The following SLCO1B1 variants were observed in gnomAD, a reference collection of about 807,000 sequenced individuals.
The protein encoded by SLCO1B1 is solute carrier organic anion transporter family member 1B1, also known as OATP-2.
In SLCO1B1, 81 loss-of-function variants were observed where a neutral mutation model predicts 70.1. The observed-to-expected ratio is 1.16, with a 90% confidence interval of 0.97 to 1.39. SLCO1B1 has a LOEUF of 1.39. SLCO1B1 is among the 40% of genes most tolerant of loss of function. The pLI, the probability that SLCO1B1 is intolerant of heterozygous loss-of-function variation, is 0.00. For synonymous variants in SLCO1B1, 283 were observed against 271.5 expected (o/e 1.04, Z -0.42); for missense variants, 895 against 799.6 (o/e 1.12, Z -1.44).
chr12:21,189,718 G>A (rs1245483917), intron 7 of SLCO1B1, among the ~76,000 whole-genome samples: 3 of 152,086 alleles, frequency 2.0e-5, no homozygotes, highest in Non-Finnish European at 4.4e-5. Context: ...AAAGTGCTGG[G>A]ATTACAGGTT....
rs375465421 is a variant in SLCO1B1 at position 21,217,272 on chromosome 12, G to A, written c.1651G>A (p.Gly551Arg). The change falls in exon 12 of 15, where the codon GGA (glycine) becomes AGA (arginine). Residue 551 changes from glycine (G) to arginine (R), a missense_variant. By Grantham distance (125) the Gly-to-Arg change is moderately radical (BLOSUM62 -2). Coordinates refer to ENST00000256958, the MANE Select transcript of SLCO1B1 (RefSeq NM_006446.5). ...CTTGAATTTATTTTTCTCTGCACTT[G>A]GAGGCACCTCACATGTCATGCTGAT... Reference protein sequence around the residue: ...QVLNLFFSALGGTSHVMLIVK... With the variant: ...QVLNLFFSALRGTSHVMLIVK... 6.2e-7 allele frequency: 1 copy of A among 1,613,520 alleles called. No individual in the cohort carries two copies. The highest frequency in any genetic ancestry group is 8.5e-7 in the Non-Finnish European group (1 of 1,179,720).
At chr12:21,214,607 GC>G (rs1291026385) in intron 11 of SLCO1B1, among the ~76,000 whole-genome samples, 63 of 133,346 alleles carry the variant, frequency 4.7e-4, no homozygotes, top group Middle Eastern at 4.0e-3. Flanking sequence ...GAGCTTCCAG[GC>G]CGCTTTGTTT....
At chr12:21,200,960 T>C (rs1302306349) in intron 9 of SLCO1B1, among the ~76,000 whole-genome samples, 1 of 152,134 alleles carries the variant, frequency 6.6e-6, no homozygotes, top group African/African-American at 2.4e-5. Flanking sequence ...AATTTAGTGC[T>C]AAGATCTGAG....
chr12:21,150,977 AG>A (rs1940463455), intron 2 of SLCO1B1, among the ~76,000 whole-genome samples: 1 of 152,234 alleles, frequency 6.6e-6, no homozygotes, highest in Admixed American at 6.5e-5. Context: ...ATTTAACAAC[AG>A]GAATGCATTA....
intron 2 of SLCO1B1, among the ~76,000 whole-genome samples, chr12:21,149,029 A>T (rs957755156): frequency 6.6e-6 from 1 of 151,904 alleles, no homozygotes; most frequent in Non-Finnish European, 1.5e-5. Flanking sequence ...CTGTTTGTCT[A>T]TTATTGGTGT....
At chr12:21,206,652 A>C (rs993829140) in intron 11 of SLCO1B1, among the ~76,000 whole-genome samples, 1 of 151,904 alleles carries the variant, frequency 6.6e-6, no homozygotes, top group African/African-American at 2.4e-5. Context: ...TCCCATAGAA[A>C]TGTCATTTAT....
chr12:21,144,096 T>C (rs1940350168), intron 2 of SLCO1B1, among the ~76,000 whole-genome samples: 1 of 152,162 alleles, frequency 6.6e-6, no homozygotes, highest in South Asian at 2.1e-4. Context: ...TGTTTCATCA[T>C]TACACTTGTC....
chr12:21,180,942 T>A (rs1042361668), intron 7 of SLCO1B1, among the ~76,000 whole-genome samples: 2 of 152,212 alleles, frequency 1.3e-5, no homozygotes, highest in African/African-American at 2.4e-5. Flanking sequence ...TCTTATTCAG[T>A]GATGAGTATG....
intron 12 of SLCO1B1, among the ~76,000 whole-genome samples, chr12:21,221,015 A>G (rs1414534617): frequency 6.6e-6 from 1 of 152,146 alleles, no homozygotes; most frequent in Non-Finnish European, 1.5e-5. Flanking sequence ...CACATAGAAT[A>G]AACTAAAAAC....
At chr12:21,228,763 A>G (rs1941504280) in intron 14 of SLCO1B1, among the ~76,000 whole-genome samples, 1 of 152,166 alleles carries the variant, frequency 6.6e-6, no homozygotes, top group Admixed American at 6.5e-5. Flanking sequence ...CCAGAAAGGA[A>G]TACAGCCCTG....
At chr12:21,141,392 T>C (rs1265881220) in intron 1 of SLCO1B1, 122 bp from the exon 2 acceptor site, 8 of 457,356 alleles carry the variant, frequency 1.7e-5, no homozygotes, top group Admixed American at 6.2e-5. Flanking sequence ...GGTAACGACA[T>C]AGTAGACCCT....
Position 21,178,678 on chromosome 12 carries a change from A to G in SLCO1B1, c.584A>G (p.Tyr195Cys), listed in dbSNP as rs1240745256. 6.2e-7 allele frequency: 1 copy of G among 1,607,348 alleles called. No individual in the cohort carries two copies. Among genetic ancestry groups the G allele is most frequent in the Non-Finnish European group, 8.5e-7 (1 of 1,174,000 alleles). The change falls in exon 6 of 15, where the codon TAC becomes TGC. Residue 195 changes from tyrosine (Y) to cysteine (C), a missense_variant. Transcript: ENST00000256958. ...ETPIVPLGLSYIDDFAKEGHS... is the reference protein window; with the variant it reads ...ETPIVPLGLSCIDDFAKEGHS... ...CCCATAGTACCATTGGGGCTTTCTT[A>G]CATTGATGATTTCGCTAAAGAAGGA...
intron 2 of SLCO1B1, among the ~76,000 whole-genome samples, chr12:21,152,218 T>C (rs1377576372): frequency 6.6e-6 from 1 of 152,042 alleles, no homozygotes; most frequent in Non-Finnish European, 1.5e-5. Context: ...TGTTGTGACA[T>C]TATAATTTTT....
At chr12:21,238,461 T>C (rs1330581087) in intron 14 of SLCO1B1, among the ~76,000 whole-genome samples, 1 of 152,130 alleles carries the variant, frequency 6.6e-6, no homozygotes, top group Non-Finnish European at 1.5e-5. Context: ...ACTTATTCCT[T>C]TCAATCTATG....
chr12:21,215,176 T>A (rs948489735), intron 11 of SLCO1B1, among the ~76,000 whole-genome samples: 1 of 152,202 alleles, frequency 6.6e-6, no homozygotes, highest in Non-Finnish European at 1.5e-5. Flanking sequence ...TATTTCTGTC[T>A]CTTTCCTGAT....
Position 21,186,285 on chromosome 12 carries a change from C to T in SLCO1B1, c.727+7265C>T, listed in dbSNP as rs574359513. Among the ~76,000 whole-genome samples the T allele has an allele frequency of 2.0e-4, 30 of 152,166 alleles. No homozygotes were observed. In the South Asian group the frequency reaches 2.3e-3, roughly 12 times the overall value. Reference sequence around the variant, plus strand: ...TTTATACAATTGACTGTAATATATACGTTACTGCTGTAATAATTTCATAGC... The same window carrying T: ...TTTATACAATTGACTGTAATATATATGTTACTGCTGTAATAATTTCATAGC... On this transcript the variant is annotated intron_variant, in intron 7 of 14. Coordinates refer to ENST00000256958, the MANE Select transcript of SLCO1B1 (RefSeq NM_006446.5).
At chr12:21,206,400 G>A (rs1398736614) in intron 11 of SLCO1B1, among the ~76,000 whole-genome samples, 1 of 151,810 alleles carries the variant, frequency 6.6e-6, no homozygotes, top group African/African-American at 2.4e-5. Context: ...CAGAATTCAG[G>A]AAAATGAGTT....
chr12:21,196,840 T>C, intron 7 of SLCO1B1, 106 bp from the exon 8 acceptor site: 1 of 1,175,868 alleles, frequency 8.5e-7, no homozygotes, highest in South Asian at 1.3e-5. Flanking sequence ...AAAAATCGTG[T>C]CTTGGAATTG....
chr12:21,211,520 C>T (rs1042971857), intron 11 of SLCO1B1, among the ~76,000 whole-genome samples: 1 of 152,190 alleles, frequency 6.6e-6, no homozygotes, highest in Admixed American at 6.5e-5. Context: ...GTCTAAGATT[C>T]TCTTTTTTTG....
Sources: allele counts gnomAD v4.1 joint callset (sites outside exome capture counted in the v4.1 genomes callset), GRCh38; gene constraint gnomAD v4.1.1; transcripts MANE v1.5; gene names NCBI Gene and HGNC (gene_info 2026-07-23, HGNC 2026-07-21).